Variants in CSMD1 observed in about 807,000 individuals in gnomAD.
CSMD1 encodes CUB and Sushi multiple domains 1.
CSMD1 carries 213 observed loss-of-function variants against 417.5 expected under a neutral mutation model. The observed-to-expected ratio is 0.51, with a 90% CI of 0.46 to 0.57. CSMD1 has a LOEUF of 0.57. Ranked by LOEUF, CSMD1 falls within the 20% of genes least tolerant of loss-of-function variation. The pLI is 0.00. For missense variants in CSMD1, 6,923 were observed against 4,529.7 expected, an observed-to-expected ratio of 1.53 and a Z score of -15.17; for synonymous variants, 2,862 against 1,736.8, an observed-to-expected ratio of 1.65 and a Z score of -16.11.
chr8:3,916,759 G>A (rs772130411), intron 5 of CSMD1, among the ~76,000 whole-genome samples: 1 of 152,096 alleles, frequency 6.6e-6, no homozygotes, highest in Non-Finnish European at 1.5e-5. Context: ...CAAAACTAGA[G>A]AGAGAAAAAA....
At chr8:4,938,430 T>C (rs1368806644) in intron 1 of CSMD1, among the ~76,000 whole-genome samples, 2 of 152,304 alleles carry the variant, frequency 1.3e-5, no homozygotes, top group East Asian at 3.9e-4. Flanking sequence ...AAGTGGCATA[T>C]GCATACTCAC....
chr8:3,559,181 T>C (rs1350127335), intron 10 of CSMD1, among the ~76,000 whole-genome samples: 2 of 152,192 alleles, frequency 1.3e-5, no homozygotes, highest in African/African-American at 2.4e-5. Context: ...TTTTAGCATA[T>C]GGTATGTGTT....
intron 1 of CSMD1, among the ~76,000 whole-genome samples, chr8:4,854,348 T>C (rs762891994): frequency 2.0e-5 from 3 of 152,108 alleles, no homozygotes; most frequent in Non-Finnish European, 4.4e-5. Context: ...GCTGTCCTCA[T>C]AGTAGTGATT....
intron 3 of CSMD1, among the ~76,000 whole-genome samples, chr8:4,314,037 G>C (rs562795462): frequency 6.8e-6 from 1 of 147,384 alleles, no homozygotes; most frequent in Non-Finnish European, 1.5e-5. Flanking sequence ...TAATAATAAT[G>C]ATAATAATAA....
chr8:3,774,355 T>G (rs578168273), intron 5 of CSMD1, among the ~76,000 whole-genome samples: 1 of 152,266 alleles, frequency 6.6e-6, no homozygotes, highest in Admixed American at 6.5e-5. Flanking sequence ...ATATGGCGGT[T>G]GTTTGGATGT....
At chr8:4,596,677 C>T (rs1015205993) in intron 2 of CSMD1, among the ~76,000 whole-genome samples, 1 of 152,156 alleles carries the variant, frequency 6.6e-6, no homozygotes, top group Non-Finnish European at 1.5e-5. Context: ...TGTTTGAACA[C>T]TCGGTCTAAC....
At chr8:3,470,252 A>T (rs1295634535) in intron 11 of CSMD1, among the ~76,000 whole-genome samples, 1 of 152,166 alleles carries the variant, frequency 6.6e-6, no homozygotes, top group African/African-American at 2.4e-5. Flanking sequence ...TATTCATGTT[A>T]TTGTTTGTAG....
rs578068335 is a variant in CSMD1 at position 3,728,230 on chromosome 8, G to A, written c.932-19739C>T. On this transcript the variant is annotated intron_variant, in intron 6 of 69. Coordinates refer to ENST00000635120, the MANE Select transcript of CSMD1 (RefSeq NM_033225.6). Reference sequence around the variant, plus strand: ...ATGTGATCTGATGGTTTTACAAAGGGAAACCCCTTTCTCTTGGTTCTTATT... The same window carrying A: ...ATGTGATCTGATGGTTTTACAAAGGAAAACCCCTTTCTCTTGGTTCTTATT... Among the ~76,000 whole-genome samples, 60 of 152,216 alleles carry A rather than the reference G, an allele frequency of 3.9e-4. No homozygotes were observed. In the South Asian group the frequency reaches 5.8e-3, roughly 15 times the overall value.
At chr8:4,497,863 C>T (rs1017954572) in intron 2 of CSMD1, among the ~76,000 whole-genome samples, 1 of 152,122 alleles carries the variant, frequency 6.6e-6, no homozygotes, top group African/African-American at 2.4e-5. Flanking sequence ...TTGGTGCAGT[C>T]GTAGAAATGC....
At chr8:3,399,000 C>A (rs1585105885) in intron 16 of CSMD1, among the ~76,000 whole-genome samples, 1 of 152,186 alleles carries the variant, frequency 6.6e-6, no homozygotes, top group Non-Finnish European at 1.5e-5. Flanking sequence ...GCAGCCACCA[C>A]CAGAACAGGA....
chr8:3,870,271 C>T (rs114056452), intron 5 of CSMD1, among the ~76,000 whole-genome samples: 3,530 of 152,198 alleles, frequency 0.023, 67 homozygotes, highest in Middle Eastern at 0.051. Context: ...ACTGTGTAAA[C>T]GTGTTACATA....
chr8:3,624,642 T>C (rs1462687630), intron 7 of CSMD1, among the ~76,000 whole-genome samples: 1 of 152,176 alleles, frequency 6.6e-6, no homozygotes, highest in Non-Finnish European at 1.5e-5. Context: ...ATACAAAACA[T>C]GTTCTCATTG....
chr8:4,459,625 G>C (rs1417998361), intron 2 of CSMD1, among the ~76,000 whole-genome samples: 1 of 152,150 alleles, frequency 6.6e-6, no homozygotes, highest in African/African-American at 2.4e-5. Flanking sequence ...TCGCATTGTG[G>C]GTTAGAACAA....
chr8:4,796,154 C>T (rs1393199812), intron 1 of CSMD1, among the ~76,000 whole-genome samples: 1 of 151,790 alleles, frequency 6.6e-6, no homozygotes, highest in Admixed American at 6.6e-5. Flanking sequence ...TAAGCCTCAT[C>T]AAGGTGGTTT....
At chr8:3,510,546 C>G (rs1797021422) in intron 10 of CSMD1, among the ~76,000 whole-genome samples, 1 of 151,764 alleles carries the variant, frequency 6.6e-6, no homozygotes, top group African/African-American at 2.4e-5. Context: ...TCAAATGAAG[C>G]AACATTTGTC....
intron 1 of CSMD1, among the ~76,000 whole-genome samples, chr8:4,897,972 T>A (rs776539202): frequency 2.8e-4 from 42 of 152,136 alleles, no homozygotes; most frequent in Admixed American, 1.5e-3. Context: ...TAGTTTTAAA[T>A]TATCCCGGGC....
In CSMD1 at chr8:3,524,697, C is replaced by T. The variant is rs558427666; in HGVS notation, c.1345-30971G>A. Reference sequence around the variant, plus strand: ...CATGTACACACATGCACCAAAGAGACGTGCACACACAAGCACATACATGCA... The same window carrying T: ...CATGTACACACATGCACCAAAGAGATGTGCACACACAAGCACATACATGCA... On this transcript the variant is annotated intron_variant, in intron 10 of 69. Transcript: ENST00000635120. 4.7e-5 allele frequency among the ~76,000 whole-genome samples: 7 copies of T among 150,148 alleles called. No homozygotes were observed. In the East Asian group the frequency reaches 1.0e-3, roughly 22 times the overall value.
At chr8:3,291,423 C>T (rs1479966782) in intron 25 of CSMD1, among the ~76,000 whole-genome samples, 1 of 152,110 alleles carries the variant, frequency 6.6e-6, no homozygotes, top group Admixed American at 6.5e-5. Context: ...TTTTGTACCT[C>T]TGGCAGAATT....
chr8:3,945,326 A>G (rs978281895), intron 5 of CSMD1, among the ~76,000 whole-genome samples: 2 of 152,142 alleles, frequency 1.3e-5, no homozygotes, highest in African/African-American at 4.8e-5. Context: ...TTATACTTAA[A>G]ATTACTATGG....
Sources: allele counts gnomAD v4.1 joint callset (sites outside exome capture counted in the v4.1 genomes callset), GRCh38; gene constraint gnomAD v4.1.1; transcripts MANE v1.5; gene names NCBI Gene and HGNC (gene_info 2026-07-23, HGNC 2026-07-21).